The following MMS22L variants were observed in gnomAD, a reference collection of about 807,000 sequenced individuals.
MMS22L encodes MMS22 like, DNA repair protein, also known as protein MMS22-like.
Under a neutral mutation model 159.1 loss-of-function variants are expected in MMS22L, and 74 were observed. The observed-to-expected ratio is 0.47, with a 90% CI of 0.39 to 0.56. The LOEUF (loss-of-function observed/expected upper bound fraction) is 0.56. MMS22L is among the 20% of genes least tolerant of loss of function. The pLI is 0.00. For missense variants in MMS22L, 1,351 were observed against 1,422.1 expected, an observed-to-expected ratio of 0.95 and a Z score of 0.80; for synonymous variants, 517 against 506.9, an observed-to-expected ratio of 1.02 and a Z score of -0.27.
intron 16 of MMS22L, among the ~76,000 whole-genome samples, chr6:97,181,263 T>C (rs1804676757): frequency 6.6e-6 from 1 of 152,192 alleles, no homozygotes; most frequent in African/African-American, 2.4e-5. Flanking sequence ...TAGGCTTGTA[T>C]ATTTATTTTA....
intron 14 of MMS22L, among the ~76,000 whole-genome samples, chr6:97,215,947 G>C (rs1808964413): frequency 6.6e-6 from 1 of 152,042 alleles, no homozygotes; most frequent in African/African-American, 2.4e-5. Context: ...ACCCTAAAGA[G>C]AGAAAAATAT....
intron 22 of MMS22L, among the ~76,000 whole-genome samples, chr6:97,152,367 T>C (rs1231248044): frequency 2.0e-5 from 3 of 152,140 alleles, no homozygotes; most frequent in Non-Finnish European, 2.9e-5. Flanking sequence ...TGTGATGCTA[T>C]CTTCCTTTCA....
At chr6:97,193,901 C>T (rs1273393568) in intron 14 of MMS22L, among the ~76,000 whole-genome samples, 1 of 152,072 alleles carries the variant, frequency 6.6e-6, no homozygotes, top group African/African-American at 2.4e-5. Context: ...GCTGGGACTA[C>T]AGGCGCCCGC....
intron 8 of MMS22L, chr6:97,267,215 C>T (rs1225982849): frequency 6.6e-6 from 1 of 152,060 alleles, no homozygotes; most frequent in East Asian, 1.9e-4. Flanking sequence ...ATAAAAAAAT[C>T]TAAATTTTGA....
intron 14 of MMS22L, among the ~76,000 whole-genome samples, chr6:97,209,416 A>G (rs1032415339): frequency 1.7e-4 from 26 of 151,850 alleles, no homozygotes; most frequent in Non-Finnish European, 2.4e-4. Context: ...CTCATATCCT[A>G]TCTAGTACCG....
At chr6:97,222,702 A>C (rs558996045) in intron 14 of MMS22L, among the ~76,000 whole-genome samples, 1 of 151,992 alleles carries the variant, frequency 6.6e-6, no homozygotes, top group Non-Finnish European at 1.5e-5. Flanking sequence ...AAAATGAAAA[A>C]GGGGGATGGG....
intron 14 of MMS22L, among the ~76,000 whole-genome samples, chr6:97,188,752 C>A (rs1471514583): frequency 6.6e-6 from 1 of 151,992 alleles, no homozygotes; most frequent in Non-Finnish European, 1.5e-5. Flanking sequence ...TCGAGGCCAG[C>A]AGTTCAAGAC....
intron 9 of MMS22L, chr6:97,259,628 G>A (rs539646728): frequency 1.3e-5 from 2 of 152,024 alleles, no homozygotes; most frequent in East Asian, 3.9e-4. Context: ...TGGGTCTTCA[G>A]CTTGCCAACC....
At chr6:97,196,857 T>C (rs754543291) in intron 14 of MMS22L, among the ~76,000 whole-genome samples, 7 of 152,178 alleles carry the variant, frequency 4.6e-5, no homozygotes, top group Non-Finnish European at 8.8e-5. Context: ...ACTACACATA[T>C]ATAGATACAT....
chr6:97,278,769 A>G, intron 4 of MMS22L, 80 bp downstream of exon 4: 1 of 1,143,716 alleles, frequency 8.7e-7, no homozygotes, highest in Non-Finnish European at 1.3e-6. Flanking sequence ...TGATATGCCA[A>G]TTATACCATC....
intron 15 of MMS22L, among the ~76,000 whole-genome samples, chr6:97,182,799 C>T (rs910352228): frequency 1.5e-5 from 2 of 135,586 alleles, no homozygotes; most frequent in Admixed American, 1.5e-4. Flanking sequence ...CTCCCCTCTT[C>T]CTCCCTAAAA....
In MMS22L at chr6:97,257,772, A is replaced by G. The variant is rs4128149; in HGVS notation, c.943-3039T>C. 2.9e-3 allele frequency among the ~76,000 whole-genome samples: 443 copies of G among 152,236 alleles called. 2 individuals are homozygous for G. Among genetic ancestry groups the G allele is most frequent in the African/African-American group, 0.01 (432 of 41,544 alleles). On this transcript the variant is annotated intron_variant, in intron 9 of 24. Coordinates refer to ENST00000683635, the MANE Select transcript of MMS22L (RefSeq NM_001350599.2). The stretch of plus-strand genomic sequence containing the variant: ...ATCATATTGATGGTACATGATATCA[A>G]TCTGTCCTATTACTAGTTAACTTTG...
Position 97,181,849 on chromosome 6 carries a change from T to C in MMS22L, c.2384+55A>G, listed in dbSNP as rs2128274515. On this transcript the variant is annotated intron_variant, in intron 16 of 24. Coordinates refer to ENST00000683635, the MANE Select transcript of MMS22L (RefSeq NM_001350599.2). ...TGTGAAAATTCTTAGCTTCCTAGGA[T>C]ACTGATCTGTCACAGGTTTGCATTA... 3 of 1,551,558 alleles carry C rather than the reference T, an allele frequency of 1.9e-6. No individual in the cohort carries two copies. In the East Asian group the frequency reaches 6.8e-5, roughly 35 times the overall value.
chr6:97,217,323 G>A (rs1478500529), intron 14 of MMS22L, among the ~76,000 whole-genome samples: 2 of 152,022 alleles, frequency 1.3e-5, no homozygotes, highest in Admixed American at 6.6e-5. Context: ...TCGGCTCACT[G>A]AAGTCTCCAC....
At chr6:97,245,309 C>T (rs191408690) in intron 11 of MMS22L, among the ~76,000 whole-genome samples, 118 of 152,088 alleles carry the variant, frequency 7.8e-4, no homozygotes, top group African/African-American at 2.7e-3. Flanking sequence ...GCAGTTACAA[C>T]CTAACTGAAA....
At chr6:97,148,093 G>A (rs1413478134) in intron 24 of MMS22L, among the ~76,000 whole-genome samples, 1 of 152,038 alleles carries the variant, frequency 6.6e-6, no homozygotes, top group African/African-American at 2.4e-5. Context: ...GATTATAATG[G>A]TACTGAAAAA....
chr6:97,231,199 G>A (rs368474320), intron 13 of MMS22L: 15 of 455,640 alleles, frequency 3.3e-5, no homozygotes, highest in Admixed American at 2.8e-4. Context: ...CTTGTGAACC[G>A]CTGGGCTCAA....
intron 14 of MMS22L, among the ~76,000 whole-genome samples, chr6:97,223,735 C>T (rs1228691051): frequency 6.6e-6 from 1 of 152,094 alleles, no homozygotes; most frequent in Non-Finnish European, 1.5e-5. Context: ...AAATCCCAAA[C>T]TAAAGGCTGG....
chr6:97,247,803 C>A (rs920830457), intron 10 of MMS22L, among the ~76,000 whole-genome samples: 2 of 152,146 alleles, frequency 1.3e-5, no homozygotes, highest in African/African-American at 2.4e-5. Context: ...TCATCATACC[C>A]TTCTTATCCC....
Sources: allele counts gnomAD v4.1 joint callset (sites outside exome capture counted in the v4.1 genomes callset), GRCh38; gene constraint gnomAD v4.1.1; transcripts MANE v1.5; gene names NCBI Gene and HGNC (gene_info 2026-07-23, HGNC 2026-07-21).